The following PRKG1 variants were observed in gnomAD, a reference collection of about 807,000 sequenced individuals.
PRKG1 encodes cGMP-dependent protein kinase 1.
In PRKG1, 35 loss-of-function variants were observed where a neutral mutation model predicts 88.1. The ratio of observed to expected loss-of-function variants is 0.40; its 90% CI spans 0.30 to 0.53. The LOEUF is 0.53. PRKG1 is among the 20% of genes least tolerant of loss of function. PRKG1 has a pLI of 0.59. For missense variants in PRKG1, 540 were observed against 839.8 expected (o/e 0.64, Z 4.41); for synonymous variants, 303 against 292.5 (o/e 1.04, Z -0.37).
At chr10:51,049,531 A>G (rs761236070) in intron 1 of PRKG1, among the ~76,000 whole-genome samples, 6 of 152,168 alleles carry the variant, frequency 3.9e-5, no homozygotes, top group Non-Finnish European at 5.9e-5. Flanking sequence ...TTTCTCCTGT[A>G]TAGCTTGTTT....
intron 7 of PRKG1, among the ~76,000 whole-genome samples, chr10:52,132,072 G>A (rs1202835418): frequency 6.6e-6 from 1 of 151,832 alleles, no homozygotes. Flanking sequence ...GCAACATATA[G>A]GAATACATTT....
At chr10:51,288,624 G>A (rs1840503703) in intron 2 of PRKG1, among the ~76,000 whole-genome samples, 1 of 152,092 alleles carries the variant, frequency 6.6e-6, no homozygotes, top group Non-Finnish European at 1.5e-5. Context: ...TCTTATCTTT[G>A]ACTGTGAAGA....
chr10:52,133,046 ATTC>A (rs1837309279), intron 7 of PRKG1, among the ~76,000 whole-genome samples: 2 of 152,072 alleles, frequency 1.3e-5, no homozygotes, highest in African/African-American at 4.8e-5. Context: ...AGTCTTAGTC[ATTC>A]TTTCTATTTT....
chr10:51,430,498 CACT>C (rs567339041), intron 2 of PRKG1, among the ~76,000 whole-genome samples: 2 of 152,118 alleles, frequency 1.3e-5, no homozygotes, highest in Admixed American at 1.3e-4. Flanking sequence ...AACCCTTATA[CACT>C]ACTACTGTTG....
chr10:51,016,744 C>T (rs1843071727), intron 1 of PRKG1, among the ~76,000 whole-genome samples: 1 of 125,744 alleles, frequency 8.0e-6, no homozygotes, highest in African/African-American at 3.0e-5. Flanking sequence ...TCTCGGCTCA[C>T]TGGAAACTCC....
intron 5 of PRKG1, among the ~76,000 whole-genome samples, chr10:51,927,879 G>A (rs973560501): frequency 2.6e-5 from 4 of 152,190 alleles, no homozygotes; most frequent in Non-Finnish European, 5.9e-5. Flanking sequence ...GGTTTTATAT[G>A]AAGTTTTTGA....
At chr10:52,181,522 C>T (rs1197179017) in intron 9 of PRKG1, among the ~76,000 whole-genome samples, 63 of 110,994 alleles carry the variant, frequency 5.7e-4, no homozygotes, top group Non-Finnish European at 8.0e-4. Context: ...CATGCTGGTG[C>T]ACTGCACCCA....
At chr10:51,312,274 G>A (rs1290743772) in intron 2 of PRKG1, among the ~76,000 whole-genome samples, 2 of 152,164 alleles carry the variant, frequency 1.3e-5, no homozygotes, top group Non-Finnish European at 2.9e-5. Flanking sequence ...TTAGAATATG[G>A]TCATTCACTG....
intron 3 of PRKG1, among the ~76,000 whole-genome samples, chr10:51,709,576 G>A (rs1841692239): frequency 6.6e-6 from 1 of 152,196 alleles, no homozygotes; most frequent in African/African-American, 2.4e-5. Context: ...CCTTTTGTTA[G>A]CCTTGAAAAT....
At chr10:52,137,235 T>C (rs996881937) in intron 8 of PRKG1, among the ~76,000 whole-genome samples, 31 of 152,080 alleles carry the variant, frequency 2.0e-4, no homozygotes, top group Non-Finnish European at 5.9e-5. Context: ...ATGCATGTCA[T>C]TGACAAACCA....
intron 3 of PRKG1, among the ~76,000 whole-genome samples, chr10:51,508,367 T>C (rs1342025476): frequency 2.6e-5 from 4 of 152,144 alleles, no homozygotes. Context: ...TTTTTAAAAA[T>C]AACTACAGTT....
At chr10:51,099,211 C>T (rs1844617939) in intron 1 of PRKG1, among the ~76,000 whole-genome samples, 1 of 152,056 alleles carries the variant, frequency 6.6e-6, no homozygotes, top group Admixed American at 6.6e-5. Flanking sequence ...CTCATACCAA[C>T]ATGAATCCTC....
chr10:51,856,836 G>A (rs533625094), intron 4 of PRKG1, among the ~76,000 whole-genome samples: 2 of 152,084 alleles, frequency 1.3e-5, no homozygotes, highest in South Asian at 4.1e-4. Context: ...ATGGTGGCGG[G>A]TGCCTTAGTC....
At chr10:51,890,432 A>C (rs1238779282) in intron 4 of PRKG1, among the ~76,000 whole-genome samples, 1 of 152,172 alleles carries the variant, frequency 6.6e-6, no homozygotes, top group Non-Finnish European at 1.5e-5. Context: ...CTTGACTGCA[A>C]AAATCTCTTA....
intron 5 of PRKG1, among the ~76,000 whole-genome samples, chr10:51,949,459 A>T (rs1044270741): frequency 6.0e-5 from 9 of 150,272 alleles, no homozygotes; most frequent in Non-Finnish European, 3.0e-5. Flanking sequence ...TAAATAAATA[A>T]ATATATATAT....
At position 52,105,140 on chromosome 10, in the gene PRKG1, T is replaced by C. The variant is rs1442684075; in HGVS notation, c.936-28700T>C. On this transcript the variant is annotated intron_variant, in intron 7 of 17. Coordinates refer to ENST00000373980, the MANE Select transcript of PRKG1 (RefSeq NM_006258.4). ...TAAAAGGAAGAACTTACCGAATTTA[T>C]GTGCAAAGTAGATGGTTGCTTTATT... Among the ~76,000 whole-genome samples the C allele has an allele frequency of 2.6e-5, 4 of 152,264 alleles. No individual in the cohort carries two copies. In the South Asian group the frequency reaches 8.3e-4, roughly 32 times the overall value.
At chr10:52,189,875 T>C (rs1241404526) in intron 9 of PRKG1, among the ~76,000 whole-genome samples, 2 of 152,242 alleles carry the variant, frequency 1.3e-5, no homozygotes, top group African/African-American at 4.8e-5. Flanking sequence ...TGAGGGCTGT[T>C]GTCAGCTTTT....
intron 4 of PRKG1, among the ~76,000 whole-genome samples, chr10:51,834,800 A>C (rs1264884992): frequency 6.6e-6 from 1 of 152,126 alleles, no homozygotes; most frequent in Non-Finnish European, 1.5e-5. Flanking sequence ...AGGGTATGAA[A>C]GAGCAATGAG....
chr10:52,247,550 T>C (rs1841057506), intron 9 of PRKG1, among the ~76,000 whole-genome samples: 1 of 152,098 alleles, frequency 6.6e-6, no homozygotes, highest in African/African-American at 2.4e-5. Context: ...AAACAGAACA[T>C]AATTAATTAA....
Sources: allele counts gnomAD v4.1 joint callset (sites outside exome capture counted in the v4.1 genomes callset), GRCh38; gene constraint gnomAD v4.1.1; transcripts MANE v1.5; gene names NCBI Gene and HGNC (gene_info 2026-07-23, HGNC 2026-07-21).